IREB2: variants seen among roughly 807,000 people sequenced by gnomAD.
IREB2 encodes the protein iron-responsive element-binding protein 2.
A neutral mutation model predicts 118.8 loss-of-function variants in IREB2; 39 were observed. The observed-to-expected ratio is 0.33, with a 90% CI of 0.25 to 0.43. The LOEUF is 0.43. Ranked by LOEUF, IREB2 falls within the 20% of genes least tolerant of loss-of-function variation. The pLI is 1.00. For synonymous variants in IREB2, 372 were observed against 392.2 expected (o/e 0.95, Z 0.61); for missense variants, 900 against 1,147.3 (o/e 0.78, Z 3.11).
intron 19 of IREB2, 33 bp from the exon 20 acceptor site, chr15:78,494,109 A>G: frequency 6.2e-7 from 1 of 1,612,914 alleles, no homozygotes; most frequent in African/African-American, 1.3e-5. Flanking sequence ...CAAAATTTGT[A>G]TTAAAAAATT....
At chr15:78,466,001 A>T (rs866423669) in intron 4 of IREB2, among the ~76,000 whole-genome samples, 45 of 152,234 alleles carry the variant, frequency 3.0e-4, no homozygotes, top group Admixed American at 2.9e-3. Flanking sequence ...AGTACTTGCT[A>T]AAAGTTATTT....
intron 3 of IREB2, 113 bp from the exon 4 acceptor site, chr15:78,465,138 A>G: frequency 1.3e-6 from 1 of 791,988 alleles, no homozygotes; most frequent in South Asian, 2.1e-5. Context: ...TGAAAAATGA[A>G]TGTAAACTAG....
rs773199311 is a variant in IREB2, at chr15:78,466,379, C to T, written c.519C>T (p.Thr173=). Residue 173 remains threonine, a synonymous_variant, in exon 5 of 22, where the codon ACC becomes ACT. Transcript: ENST00000258886. ...AGCTTCCCTGCAGAGGCCAGACTAC[C>T]TGCCGAGGATCTTGTGATTCTGGAG... ...PKKLPCRGQT[T]CRGSCDSGEL... is the part of the protein sequence containing the mutation. 2.5e-6 allele frequency: 4 copies of T among 1,613,980 alleles called. No individual in the cohort carries two copies. In the African/African-American group the frequency reaches 5.3e-5, roughly 22 times the overall value.
intron 12 of IREB2, among the ~76,000 whole-genome samples, 153 bp downstream of exon 12, chr15:78,485,073 G>A (rs572716014): frequency 1.5e-4 from 23 of 152,312 alleles, no homozygotes; most frequent in African/African-American, 4.6e-4. Context: ...AGGAGCCTGA[G>A]TTTGATTTAT....
chr15:78,439,986 A>G (rs963934566), intron 2 of IREB2, 105 bp downstream of exon 2: 2 of 721,976 alleles, frequency 2.8e-6, no homozygotes, highest in African/African-American at 1.8e-5. Flanking sequence ...ACCGTATTGT[A>G]ACAGGTACAC....
intron 21 of IREB2, among the ~76,000 whole-genome samples, chr15:78,497,759 G>A (rs9920411): frequency 0.94 from 142,540 of 152,246 alleles, 67,480 homozygotes; most frequent in East Asian, 1. Flanking sequence ...TAAAATGAAT[G>A]TGAGTAGTGA....
intron 21 of IREB2, 94 bp from the exon 22 acceptor site, chr15:78,497,939 T>G (rs1282970165): frequency 2.9e-6 from 2 of 682,926 alleles, no homozygotes; most frequent in Non-Finnish European, 5.2e-6. Context: ...CTGTGGCAAG[T>G]ATAGTCATTA....
rs997870925 is a variant in IREB2, at chr15:78,484,757, A to T, written c.1414-4A>T. On this transcript the variant is annotated splice_polypyrimidine_tract_variant and splice_region_variant and intron_variant, in intron 11 of 21. Transcript: ENST00000258886. ...AGTTTATATTTTTGTGGAAATTTGTATAGGTTGGATTTAAAGGCTTCCAAA... is the reference window on the plus strand; with the variant it reads ...AGTTTATATTTTTGTGGAAATTTGTTTAGGTTGGATTTAAAGGCTTCCAAA... 3.1e-6 allele frequency: 5 copies of T among 1,608,622 alleles called. No individual in the cohort carries two copies. In the African/African-American group the frequency reaches 5.3e-5, roughly 17 times the overall value.
intron 2 of IREB2, among the ~76,000 whole-genome samples, chr15:78,443,829 A>G (rs1024203694): frequency 6.6e-6 from 1 of 151,868 alleles, no homozygotes; most frequent in Non-Finnish European, 1.5e-5. Context: ...TATTTTTAGT[A>G]GAGATGGAGT....
chr15:78,467,408 A>T (rs977707078), intron 5 of IREB2, among the ~76,000 whole-genome samples: 3 of 152,100 alleles, frequency 2.0e-5, no homozygotes, highest in African/African-American at 7.2e-5. Flanking sequence ...AAAGAGTTCT[A>T]TGGCCAGGCG....
At chr15:78,448,498 A>G (rs2050969472) in intron 2 of IREB2, among the ~76,000 whole-genome samples, 1 of 152,166 alleles carries the variant, frequency 6.6e-6, no homozygotes, top group South Asian at 2.1e-4. Context: ...TTATTTATTT[A>G]TTTGAAGAAA....
At chr15:78,461,741 T>C (rs542214441) in intron 2 of IREB2, among the ~76,000 whole-genome samples, 1 of 152,296 alleles carries the variant, frequency 6.6e-6, no homozygotes, top group East Asian at 1.9e-4. Context: ...AAATACTTAG[T>C]GTTACTTTAG....
intron 2 of IREB2, among the ~76,000 whole-genome samples, chr15:78,440,880 C>T (rs2050834869): frequency 6.6e-6 from 1 of 152,048 alleles, no homozygotes; most frequent in African/African-American, 2.4e-5. Flanking sequence ...TGTGGGCGAC[C>T]TATAGGGCAT....
intron 3 of IREB2, 115 bp from the exon 4 acceptor site, chr15:78,465,136 G>A: frequency 1.3e-6 from 1 of 769,926 alleles, no homozygotes; most frequent in Non-Finnish European, 2.0e-6. Flanking sequence ...TATGAAAAAT[G>A]AATGTAAACT....
At chr15:78,472,351 CTTTTCTTTTTTTTTTCT>C (rs1031555518) in intron 7 of IREB2, among the ~76,000 whole-genome samples, 35 of 151,710 alleles carry the variant, frequency 2.3e-4, no homozygotes, top group African/African-American at 5.8e-4. Context: ...TGGGCTGTCT[CTTTTCTTTTTTTTTTCT>C]TTTTCTTTTT....
At chr15:78,476,603 T>G in intron 9 of IREB2, 1 of 278,460 alleles carries the variant, frequency 3.6e-6, no homozygotes, top group East Asian at 6.2e-5. Context: ...GACTTGACTG[T>G]TTCCCCATAA....
chr15:78,470,486 C>T (rs1288313763), intron 5 of IREB2, 46 bp from the exon 6 acceptor site: 3 of 1,258,090 alleles, frequency 2.4e-6, no homozygotes, highest in Non-Finnish European at 3.4e-6. Context: ...CAAGGCAAGT[C>T]TTTTTTGTAA....
chr15:78,490,800 T>C, intron 18 of IREB2, 39 bp downstream of exon 18: 1 of 1,586,108 alleles, frequency 6.3e-7, no homozygotes, highest in Non-Finnish European at 8.6e-7. Flanking sequence ...TGTTTTTTCT[T>C]GTTTCTTACT....
At chr15:78,455,380 C>A (rs1038934565) in intron 2 of IREB2, among the ~76,000 whole-genome samples, 4 of 151,986 alleles carry the variant, frequency 2.6e-5, no homozygotes, top group Non-Finnish European at 5.9e-5. Context: ...AATAAATGGG[C>A]CTTCCTGAAC....
Sources: allele counts gnomAD v4.1 joint callset (sites outside exome capture counted in the v4.1 genomes callset), GRCh38; gene constraint gnomAD v4.1.1; transcripts MANE v1.5; gene names NCBI Gene and HGNC (gene_info 2026-07-23, HGNC 2026-07-21).